Variants in OTUB2 observed in about 807,000 individuals in gnomAD.
The protein encoded by OTUB2 is ubiquitin thioesterase OTUB2.
Under a neutral mutation model 25.1 loss-of-function variants are expected in OTUB2, and 21 were observed. The observed-to-expected ratio is 0.84, with a 90% CI of 0.59 to 1.21. OTUB2 has a LOEUF of 1.21. OTUB2 is among the 50% of genes most tolerant of loss of function. The pLI is 0.00. For synonymous variants in OTUB2, 122 were observed against 122.8 expected (o/e 0.99, Z 0.04); for missense variants, 283 against 298.0 (o/e 0.95, Z 0.37).
In OTUB2 at chr14:94,044,741, CATTGAT is replaced by C. The variant is rs775756833; in HGVS notation, c.460_465del (p.Ile154_Asp155del). The stretch of plus-strand genomic sequence containing the variant: ...ACCGAGCAGACTTCTTCCGGCACTT[CATTGAT>C]GAGGAGATGGACATCAAAGACTTCT... On this transcript the variant is annotated inframe_deletion, in exon 5 of 6. Coordinates refer to ENST00000203664, the MANE Select transcript of OTUB2 (RefSeq NM_023112.4). The C allele has an allele frequency of 6.2e-7, 1 of 1,613,768 alleles. No homozygotes were observed. The highest frequency in any genetic ancestry group is 1.3e-5 in the African/African-American group (1 of 75,058).
Position 94,037,431 on chromosome 14 carries a change from C to T in OTUB2, c.55C>T (p.Leu19Phe), listed in dbSNP as rs1885076752. 1 of 1,606,780 alleles carries T rather than the reference C, an allele frequency of 6.2e-7. No homozygotes were observed. Among genetic ancestry groups the T allele is most frequent in the African/African-American group, 1.3e-5 (1 of 74,704 alleles). The change falls in exon 2 of 6, where the codon CTT becomes TTT. Residue 19 changes from leucine to phenylalanine, a missense_variant. Leu to Phe is a conservative substitution (Grantham distance 22, BLOSUM62 0). Transcript: ENST00000203664. ...AGAAAAATGTGACATTCTATCCATTCTTCGGGACCATCCTGAAAACAGGAT... is the reference window on the plus strand; with the variant it reads ...AGAAAAATGTGACATTCTATCCATTTTTCGGGACCATCCTGAAAACAGGAT... Reference protein sequence around the residue: ...ISEKCDILSILRDHPENRIYR... With the variant: ...ISEKCDILSIFRDHPENRIYR...
intron 1 of OTUB2, among the ~76,000 whole-genome samples, chr14:94,034,605 T>C (rs780901947): frequency 1.3e-5 from 2 of 152,228 alleles, no homozygotes; most frequent in Non-Finnish European, 2.9e-5. Context: ...AATGGGGACG[T>C]GTCAGCCTCT....
At chr14:94,037,271 GTC>G (rs1885072460) in intron 1 of OTUB2, 107 bp from the exon 2 acceptor site, 1 of 662,018 alleles carries the variant, frequency 1.5e-6, no homozygotes, top group African/African-American at 1.8e-5. Context: ...AGGTGGGAAG[GTC>G]TCATTCATTG....
At position 94,037,378 on chromosome 14, in the gene OTUB2, A is replaced by G; in HGVS notation, c.4-2A>G. Reference sequence around the variant, plus strand: ...AGCATTTCTTCCTTCCCTATCTTTCAGAGTGAAACATCTTTCAACCTAATA... The same window carrying G: ...AGCATTTCTTCCTTCCCTATCTTTCGGAGTGAAACATCTTTCAACCTAATA... On this transcript the variant is annotated splice_acceptor_variant, in intron 1 of 5. Coordinates refer to ENST00000203664, the MANE Select transcript of OTUB2 (RefSeq NM_023112.4). LOFTEE classifies it high-confidence loss of function. 2 of 1,570,066 alleles carry G rather than the reference A, an allele frequency of 1.3e-6. No homozygotes were observed. Among genetic ancestry groups the G allele is most frequent in the Non-Finnish European group, 1.8e-6 (2 of 1,141,552 alleles).
chr14:94,030,818 G>T (rs1884948639), intron 1 of OTUB2, among the ~76,000 whole-genome samples: 1 of 148,048 alleles, frequency 6.8e-6, no homozygotes, highest in African/African-American at 2.7e-5. Context: ...GAGTGATGGG[G>T]AGGGTGGGGG....
chr14:94,039,381 T>TGAAAA (rs780702457), intron 3 of OTUB2: 19 of 398,454 alleles, frequency 4.8e-5, no homozygotes, highest in African/African-American at 1.6e-4. Flanking sequence ...TGACCCACTC[T>TGAAAA]GAAAAGAAAA....
chr14:94,033,896 T>C (rs1361726050), intron 1 of OTUB2, among the ~76,000 whole-genome samples: 1 of 152,248 alleles, frequency 6.6e-6, no homozygotes, highest in Non-Finnish European at 1.5e-5. Context: ...ATTGTTATTA[T>C]GCTAGTAATG....
intron 2 of OTUB2, among the ~76,000 whole-genome samples, chr14:94,038,108 A>G (rs922545507): frequency 2.6e-5 from 4 of 152,256 alleles, no homozygotes; most frequent in African/African-American, 4.8e-5. Context: ...CTTCCCTTCA[A>G]GTTCCTCTCA....
chr14:94,039,653 C>T (rs1283151787), intron 3 of OTUB2, among the ~76,000 whole-genome samples: 1 of 151,986 alleles, frequency 6.6e-6, no homozygotes, highest in Non-Finnish European at 1.5e-5. Context: ...TGAGACCTGG[C>T]TTGGACCCGA....
intron 4 of OTUB2, 111 bp downstream of exon 4, chr14:94,044,166 A>C: frequency 8.8e-7 from 1 of 1,130,410 alleles, no homozygotes; most frequent in Non-Finnish European, 1.3e-6. Context: ...GGAAGGACAG[A>C]GGGTTCCTTC....
At chr14:94,037,256 T>G in intron 1 of OTUB2, 124 bp from the exon 2 acceptor site, 1 of 588,796 alleles carries the variant, frequency 1.7e-6, no homozygotes, top group Non-Finnish European at 3.0e-6. Context: ...ACTCCCAGCA[T>G]GAGAAGGTGG....
At chr14:94,028,930 G>T (rs577541287) in intron 1 of OTUB2, among the ~76,000 whole-genome samples, 1 of 152,330 alleles carries the variant, frequency 6.6e-6, no homozygotes, top group African/African-American at 2.4e-5. Context: ...CCTTTTGGCG[G>T]GTGCGGGGGG....
chr14:94,032,589 A>T (rs778712676), intron 1 of OTUB2, among the ~76,000 whole-genome samples: 1 of 152,110 alleles, frequency 6.6e-6, no homozygotes, highest in Non-Finnish European at 1.5e-5. Flanking sequence ...GGGATGATTA[A>T]AAGCTTTGGG....
rs756566700 is a variant in OTUB2, at chr14:94,046,950, T to G, written c.*1028T>G. On this transcript the variant is annotated 3_prime_UTR_variant, in exon 6 of 6. Transcript: ENST00000203664. The stretch of plus-strand genomic sequence containing the variant: ...AAGTTGGCAGTGGGGAGATTTCCAC[T>G]GTGGAAACCGCCTGGGAATTCCGGC... The G allele has an allele frequency of 6.6e-6, 1 of 152,464 alleles. No individual in the cohort carries two copies. The highest frequency in any genetic ancestry group is 1.5e-5 in the Non-Finnish European group (1 of 68,290). 9.4% of individuals were successfully genotyped at this position (152,464 alleles called of 1,614,324 possible).
At chr14:94,036,671 T>A (rs1595366506) in intron 1 of OTUB2, among the ~76,000 whole-genome samples, 1 of 152,164 alleles carries the variant, frequency 6.6e-6, no homozygotes, top group South Asian at 2.1e-4. Flanking sequence ...ATCCTGCCTG[T>A]AGGAGGCTTG....
At chr14:94,039,123 T>C in intron 3 of OTUB2, 42 bp downstream of exon 3, 1 of 1,483,182 alleles carries the variant, frequency 6.7e-7, no homozygotes, top group African/African-American at 1.4e-5. Flanking sequence ...CTGTGTTCTC[T>C]GTGCTAGGTC....
At chr14:94,037,559 G>A (rs1247199020) in intron 2 of OTUB2, 84 bp downstream of exon 2, 13 of 868,840 alleles carry the variant, frequency 1.5e-5, no homozygotes, top group African/African-American at 5.2e-5. Flanking sequence ...TTTGAAGGCC[G>A]ATAGTTTGGG....
Position 94,047,276 on chromosome 14 carries a change from C to T in OTUB2, c.*1354C>T, listed in dbSNP as rs115514374. 286 of 152,326 alleles carry T rather than the reference C, an allele frequency of 1.9e-3. 1 individual carries two copies. The highest frequency in any genetic ancestry group is 6.7e-3 in the African/African-American group (279 of 41,574). 9.4% of individuals were successfully genotyped at this position (152,326 alleles called of 1,614,324 possible). ...TGGTGCTGCTGCATGAGTCTGCTGA[C>T]AACCTGACTGCACAAGGACTGGGTA... On this transcript the variant is annotated 3_prime_UTR_variant, in exon 6 of 6. Coordinates refer to ENST00000203664, the MANE Select transcript of OTUB2 (RefSeq NM_023112.4).
chr14:94,039,215 G>A (rs1375156240), intron 3 of OTUB2, 134 bp downstream of exon 3: 6 of 717,214 alleles, frequency 8.4e-6, no homozygotes, highest in Admixed American at 5.5e-5. Context: ...TGGCAGAGGC[G>A]TTTGATGTTG....
Sources: allele counts gnomAD v4.1 joint callset (sites outside exome capture counted in the v4.1 genomes callset), GRCh38; gene constraint gnomAD v4.1.1; transcripts MANE v1.5; gene names NCBI Gene and HGNC (gene_info 2026-07-23, HGNC 2026-07-21).